Variants in SLC2A14 observed in about 807,000 individuals in gnomAD.
SLC2A14 encodes the protein solute carrier family 2 member 14.
In SLC2A14, 13 loss-of-function variants were observed where a neutral mutation model predicts 43.0. The ratio of observed to expected loss-of-function variants is 0.30; its 90% CI spans 0.20 to 0.48. The LOEUF (loss-of-function observed/expected upper bound fraction) is 0.48, where lower values mean the gene tolerates loss of function less well. Ranked by LOEUF, SLC2A14 falls within the 20% of genes least tolerant of loss-of-function variation. The pLI is 0.99. For synonymous variants in SLC2A14, 190 were observed against 233.8 expected (o/e 0.81, Z 1.71); for missense variants, 428 against 620.4 (o/e 0.69, Z 3.29).
In SLC2A14 at chr12:7,827,421, G is replaced by A. The variant is rs745588120; in HGVS notation, c.864+74C>T. On this transcript the variant is annotated intron_variant, in intron 7 of 10. Transcript: ENST00000431042. ...CTCCTGAGTAGCTGGGACTACAGAG[G>A]CACACCGCCACCATGCCTGGCATTT... The A allele has an allele frequency of 1.0e-5, 16 of 1,532,692 alleles. No homozygotes were observed. In the East Asian group the frequency reaches 3.8e-4, roughly 37 times the overall value. The allele number at this position is 1,532,692 out of a possible 1,614,324, so 94.9% of individuals were successfully genotyped here.
chr12:7,888,298 A>G (rs1945719367), intron 1 of SLC2A14, among the ~76,000 whole-genome samples: 1 of 152,108 alleles, frequency 6.6e-6, no homozygotes, highest in Non-Finnish European at 1.5e-5. Context: ...TGACACAAGC[A>G]GTAATGAAAG....
intron 7 of SLC2A14, among the ~76,000 whole-genome samples, chr12:7,825,012 A>T (rs1223567768): frequency 1.3e-5 from 2 of 152,024 alleles, no homozygotes; most frequent in Non-Finnish European, 2.9e-5. Context: ...ATTTTTTTAC[A>T]GGCAATTTCC....
chr12:7,825,766 CAA>C (rs35156149), intron 7 of SLC2A14, among the ~76,000 whole-genome samples: 46,849 of 121,114 alleles, frequency 0.39, 8,138 homozygotes, highest in Admixed American at 0.48. Flanking sequence ...CTCTGTCTCA[CAA>C]AAAAAAAAAA....
At chr12:7,818,098 C>T in intron 9 of SLC2A14, 64 bp from the exon 10 acceptor site, 2 of 1,501,720 alleles carry the variant, frequency 1.3e-6, no homozygotes, top group South Asian at 1.3e-5. Context: ...TCTAGGTTCC[C>T]AGAGGCAACT....
chr12:7,844,949 G>C (rs936191027), intron 2 of SLC2A14, among the ~76,000 whole-genome samples: 1 of 152,034 alleles, frequency 6.6e-6, no homozygotes, highest in Non-Finnish European at 1.5e-5. Context: ...AAACTTTTGT[G>C]GTAAGTAAGT....
rs1245248874 is a variant in SLC2A14 at position 7,831,706 on chromosome 12, T to A, written c.170A>T (p.Glu57Val). Residue 57 changes from glutamate (E) to valine (V), a missense_variant, in exon 4 of 11, where the codon GAG (glutamate) becomes GTG (valine). Glu to Val is a moderately radical substitution (Grantham distance 121). This residue lies in a region of SLC2A14 where 122 missense variants were observed against 128.8 expected (regional missense o/e 0.95). Transcript: ENST00000431042. ...LTDKANAPPS[E>V]VLLTNLWSLS... ...GGACCAGAGATTCGTGAGCAGCACCTCAGAGGGAGGGGCATTTGCCTTGTC... is the reference window on the plus strand; with the variant it reads ...GGACCAGAGATTCGTGAGCAGCACCACAGAGGGAGGGGCATTTGCCTTGTC... 6.2e-7 allele frequency: 1 copy of A among 1,614,186 alleles called. No individual in the cohort carries two copies. Among genetic ancestry groups the A allele is most frequent in the Admixed American group, 1.7e-5 (1 of 60,012 alleles).
upstream of SLC2A14, chr12:7,872,997 C>A (rs1252229174): frequency 2.0e-6 from 2 of 985,398 alleles, no homozygotes; most frequent in African/African-American, 3.5e-5. Flanking sequence ...GGGAGCCCTC[C>A]GTAAGCAAGA....
At chr12:7,889,903 T>C (rs1271311968) in intron 1 of SLC2A14, among the ~76,000 whole-genome samples, 1 of 150,846 alleles carries the variant, frequency 6.6e-6, no homozygotes, top group East Asian at 1.9e-4. Context: ...CCTCCCCTTT[T>C]CGGAGCATAT....
intron 1 of SLC2A14, among the ~76,000 whole-genome samples, chr12:7,879,759 C>G (rs1394462833): frequency 6.6e-6 from 1 of 152,084 alleles, no homozygotes; most frequent in African/African-American, 2.4e-5. Context: ...AATCCCAACA[C>G]TTTGGGAGGG....
At position 7,862,580 on chromosome 12, in the gene SLC2A14, G is replaced by A. The variant is rs112419998; in HGVS notation, c.18+7283C>T. ...GAGCTAAGGAATGCGAGCACATGGC[G>A]CGGGACTGGCAGGCAGCTCCACCTG... On this transcript the variant is annotated intron_variant, in intron 2 of 10. Coordinates refer to ENST00000431042, the MANE Select transcript of SLC2A14 (RefSeq NM_001286234.2). Among the ~76,000 whole-genome samples, 52 of 152,278 alleles carry A rather than the reference G, an allele frequency of 3.4e-4. 2 individuals carry two copies. Among genetic ancestry groups the A allele is most frequent in the African/African-American group, 1.1e-3 (46 of 41,580 alleles).
intron 2 of SLC2A14, among the ~76,000 whole-genome samples, chr12:7,866,913 T>C (rs950379313): frequency 6.6e-6 from 1 of 151,908 alleles, no homozygotes; most frequent in Non-Finnish European, 1.5e-5. Context: ...AAGCCTTACA[T>C]TGGAGGAAGA....
At chr12:7,826,857 T>C (rs57491592) in intron 7 of SLC2A14, among the ~76,000 whole-genome samples, 51,142 of 71,784 alleles carry the variant, frequency 0.71, 16,311 homozygotes, top group Middle Eastern at 0.73. Context: ...TTCCTTCCTT[T>C]CTTTTTTCTT....
At chr12:7,824,357 C>G (rs1388303558) in intron 7 of SLC2A14, among the ~76,000 whole-genome samples, 2 of 152,126 alleles carry the variant, frequency 1.3e-5, no homozygotes, top group African/African-American at 4.8e-5. Flanking sequence ...GCAGTTTAAA[C>G]AAGCAATAAA....
intron 2 of SLC2A14, among the ~76,000 whole-genome samples, chr12:7,842,759 G>C (rs1224219775): frequency 7.0e-6 from 1 of 143,200 alleles, no homozygotes; most frequent in Non-Finnish European, 1.5e-5. Context: ...ATGGAGTTTC[G>C]CTCTTGTTGC....
chr12:7,848,364 T>G (rs1292550023), intron 2 of SLC2A14, among the ~76,000 whole-genome samples: 1 of 143,560 alleles, frequency 7.0e-6, no homozygotes, highest in Non-Finnish European at 1.5e-5. Context: ...TATTTGTATC[T>G]CAGATTGTCT....
intron 1 of SLC2A14, among the ~76,000 whole-genome samples, chr12:7,880,341 A>G (rs867869290): frequency 5.3e-5 from 8 of 151,476 alleles, no homozygotes; most frequent in Middle Eastern, 3.4e-3. Flanking sequence ...AAGAAACAAC[A>G]ACAACAACAA....
intron 2 of SLC2A14, among the ~76,000 whole-genome samples, chr12:7,846,250 A>C (rs971489420): frequency 1.3e-5 from 2 of 152,084 alleles, no homozygotes. Flanking sequence ...ACGGTGGAAA[A>C]AGGAAGCTAA....
At chr12:7,878,838 A>G (rs1328300645) in intron 1 of SLC2A14, among the ~76,000 whole-genome samples, 1 of 151,588 alleles carries the variant, frequency 6.6e-6, no homozygotes, top group African/African-American at 2.4e-5. Flanking sequence ...TTAGCTGGGC[A>G]TGCTGGCACC....
intron 1 of SLC2A14, among the ~76,000 whole-genome samples, chr12:7,870,532 G>C (rs1405558656): frequency 6.6e-6 from 1 of 152,014 alleles, no homozygotes; most frequent in East Asian, 1.9e-4. Flanking sequence ...ACGTTATGTT[G>C]AACACCTGTG....
Sources: allele counts gnomAD v4.1 joint callset (sites outside exome capture counted in the v4.1 genomes callset), GRCh38; gene constraint gnomAD v4.1.1; regional missense constraint gnomAD v4.1.1; transcripts MANE v1.5; gene names NCBI Gene and HGNC (gene_info 2026-07-23, HGNC 2026-07-21).